Variants in WBP2NL observed in about 807,000 individuals in gnomAD.
The protein encoded by WBP2NL is WBP2 N-terminal like.
A neutral mutation model predicts 23.3 loss-of-function variants in WBP2NL; 27 were observed. That is an observed-to-expected ratio of 1.16 (90% confidence interval 0.85 to 1.60). The LOEUF (loss-of-function observed/expected upper bound fraction) is 1.60, where lower values mean the gene tolerates loss of function less well. Among genes scored for constraint, WBP2NL ranks in the 40% most tolerant of loss-of-function variants. WBP2NL has a pLI of 0.00. For synonymous variants in WBP2NL, 151 were observed against 145.9 expected (o/e 1.03, Z -0.25); for missense variants, 370 against 389.5 (o/e 0.95, Z 0.42).
chr22:42,016,910 G>A (rs1215507031), intron 1 of WBP2NL, among the ~76,000 whole-genome samples: 1 of 152,184 alleles, frequency 6.6e-6, no homozygotes, highest in Non-Finnish European at 1.5e-5. Context: ...ATCAAATGAT[G>A]TCTTTAAGCT....
intron 8 of WBP2NL, among the ~76,000 whole-genome samples, chr22:42,056,892 C>G (rs1036143322): frequency 6.6e-6 from 1 of 152,018 alleles, no homozygotes; most frequent in African/African-American, 2.4e-5. Flanking sequence ...TACCCATTGC[C>G]TTCTTGTTTC....
At chr22:42,006,830 GT>G (rs1414962308) in intron 1 of WBP2NL, among the ~76,000 whole-genome samples, 1 of 152,210 alleles carries the variant, frequency 6.6e-6, no homozygotes, top group Non-Finnish European at 1.5e-5. Flanking sequence ...AGCTTGCTGT[GT>G]TTTGTAGAGA....
At chr22:42,039,465 T>C (rs1387327140) in intron 8 of WBP2NL, among the ~76,000 whole-genome samples, 1 of 151,882 alleles carries the variant, frequency 6.6e-6, no homozygotes, top group Non-Finnish European at 1.5e-5. Context: ...AGTACTGTGA[T>C]CATAGGTGTG....
intron 4 of WBP2NL, among the ~76,000 whole-genome samples, chr22:42,020,507 T>G (rs749166877): frequency 1.8e-4 from 27 of 152,230 alleles, no homozygotes; most frequent in Admixed American, 3.9e-4. Context: ...ACACAAAGAT[T>G]ATTCAGTCCC....
At chr22:42,049,700 CAAAACAAAAAAAAAAA>C (rs1417819189) in intron 8 of WBP2NL, among the ~76,000 whole-genome samples, 61 of 36,480 alleles carry the variant, frequency 1.7e-3, no homozygotes, top group South Asian at 2.7e-3. Context: ...CAAAACAAAA[CAAAACAAAAAAAAAAA>C]AAAAAAAAAA....
intron 5 of WBP2NL, among the ~76,000 whole-genome samples, chr22:42,025,997 C>T (rs763052802): frequency 9.9e-5 from 15 of 152,018 alleles, no homozygotes; most frequent in Non-Finnish European, 7.4e-5. Flanking sequence ...GCTGGCCGGG[C>T]GCAGTGGCTC....
chr22:42,030,349 T>G (rs916956594), downstream of WBP2NL, among the ~76,000 whole-genome samples: 2 of 152,246 alleles, frequency 1.3e-5, no homozygotes, highest in African/African-American at 2.4e-5. Context: ...CAAAAGACCA[T>G]TCTTCCTTCC....
chr22:42,001,970 G>A (rs530838597), intron 1 of WBP2NL: 8 of 1,211,422 alleles, frequency 6.6e-6, no homozygotes, highest in South Asian at 6.1e-5. Context: ...CTGTGATGTC[G>A]AAAGAGGAGG....
At chr22:42,040,467 C>T (rs1388638535) in intron 8 of WBP2NL, among the ~76,000 whole-genome samples, 1 of 152,222 alleles carries the variant, frequency 6.6e-6, no homozygotes, top group Non-Finnish European at 1.5e-5. Flanking sequence ...AAGTGATCTG[C>T]CTGCCTCGGC....
chr22:42,049,090 A>G (rs57370695), intron 8 of WBP2NL, among the ~76,000 whole-genome samples: 7,712 of 152,290 alleles, frequency 0.051, 677 homozygotes, highest in African/African-American at 0.18. Context: ...AAAGTCAAAG[A>G]ACTGATCCTT....
intron 1 of WBP2NL, chr22:42,001,717 G>A: frequency 1.6e-6 from 2 of 1,215,652 alleles, no homozygotes; most frequent in Non-Finnish European, 2.4e-6. Flanking sequence ...TAAGAGCCTG[G>A]GTGGGGGAAG....
intron 5 of WBP2NL, among the ~76,000 whole-genome samples, chr22:42,024,351 G>T (rs1924278369): frequency 6.6e-6 from 1 of 152,088 alleles, no homozygotes; most frequent in Non-Finnish European, 1.5e-5. Context: ...TCCTGGATAT[G>T]CATCTTGGAG....
At chr22:42,021,206 C>T (rs1312158535) in intron 4 of WBP2NL, among the ~76,000 whole-genome samples, 1 of 151,912 alleles carries the variant, frequency 6.6e-6, no homozygotes, top group African/African-American at 2.4e-5. Flanking sequence ...AGGCGTGAGC[C>T]AGCACGCCTG....
intron 1 of WBP2NL, chr22:42,001,055 T>G: frequency 1.3e-6 from 1 of 793,374 alleles, no homozygotes; most frequent in Admixed American, 2.2e-5. Context: ...GGGGGAAAAA[T>G]CTTAGGAAAT....
intron 5 of WBP2NL, among the ~76,000 whole-genome samples, chr22:42,024,669 T>A (rs1384435838): frequency 2.0e-5 from 3 of 152,186 alleles, no homozygotes; most frequent in Non-Finnish European, 4.4e-5. Context: ...CTATTTTTTT[T>A]ATTATTTAAA....
At chr22:42,050,211 G>C (rs5751208) in intron 8 of WBP2NL, among the ~76,000 whole-genome samples, 1 of 152,060 alleles carries the variant, frequency 6.6e-6, no homozygotes, top group Non-Finnish European at 1.5e-5. Context: ...GGAGGCTTAG[G>C]TGGGAGGATT....
intron 5 of WBP2NL, among the ~76,000 whole-genome samples, chr22:42,023,239 C>T (rs1357112845): frequency 2.6e-5 from 4 of 151,580 alleles, no homozygotes; most frequent in Admixed American, 6.6e-5. Context: ...GGCTGTAGTG[C>T]AGTGGCACTA....
At chr22:42,004,913 A>G (rs1204852821) in intron 1 of WBP2NL, among the ~76,000 whole-genome samples, 1 of 151,814 alleles carries the variant, frequency 6.6e-6, no homozygotes, top group Non-Finnish European at 1.5e-5. Flanking sequence ...AACAAGAGCA[A>G]AACTCTGTCT....
At chr22:42,033,339 A>G (rs1238353653), downstream of WBP2NL, among the ~76,000 whole-genome samples, 1 of 152,186 alleles carries the variant, frequency 6.6e-6, no homozygotes, top group Non-Finnish European at 1.5e-5. Flanking sequence ...AGGGAGTCAC[A>G]GCCCTGGCTT....
Sources: gnomAD v4.1 joint callset for allele counts (sites outside exome capture counted in the v4.1 genomes callset) on GRCh38, gnomAD v4.1.1 for gene constraint, MANE v1.5 for transcripts, NCBI Gene and HGNC (gene_info 2026-07-23, HGNC 2026-07-21) for gene names.